Variants in ZDHHC21 observed in about 807,000 individuals in gnomAD.
The protein encoded by ZDHHC21 is palmitoyltransferase ZDHHC21.
Under a neutral mutation model 34.6 loss-of-function variants are expected in ZDHHC21, and 15 were observed. The ratio of observed to expected loss-of-function variants is 0.43; its 90% CI spans 0.29 to 0.67. ZDHHC21 has a LOEUF of 0.67. Among genes scored for constraint, ZDHHC21 ranks in the 30% least tolerant of loss-of-function variants. The pLI is 0.14. For missense variants in ZDHHC21, 344 were observed against 327.7 expected (o/e 1.05, Z -0.38); for synonymous variants, 142 against 101.8 (o/e 1.40, Z -2.38).
Position 14,613,439 on chromosome 9 carries a change from A to G in ZDHHC21, c.*5527T>C, listed in dbSNP as rs80125059. The G allele has an allele frequency of 6.6e-6, 1 of 151,932 alleles. No individual in the cohort carries two copies. The highest frequency in any genetic ancestry group is 2.4e-5 in the African/African-American group (1 of 41,524). The allele number at this position is 151,932 out of a possible 1,614,324, so 9.4% of individuals were successfully genotyped here. A position where few individuals can be genotyped will look rare whatever the true frequency, so the allele number is the denominator to read the frequency against. ...ATATCATCCAATGTATACTGGCAAGAATATATAGCTTGCAATACGCAGGTA... is the reference window on the plus strand; with the variant it reads ...ATATCATCCAATGTATACTGGCAAGGATATATAGCTTGCAATACGCAGGTA... On this transcript the variant is annotated 3_prime_UTR_variant, in exon 10 of 10. Transcript: ENST00000380916.
the ZDHHC21 span, among the ~76,000 whole-genome samples, chr9:14,599,420 C>A: frequency 2.0e-5 from 3 of 152,256 alleles, no homozygotes; most frequent in Admixed American, 6.5e-5. Context: ...CCAGCCCAGA[C>A]ATTACACTTT....
At chr9:14,643,201 T>C (rs1020367089) in intron 7 of ZDHHC21, among the ~76,000 whole-genome samples, 1 of 152,080 alleles carries the variant, frequency 6.6e-6, no homozygotes, top group Admixed American at 6.5e-5. Flanking sequence ...TGAGCCGAGA[T>C]CGTGCCACTG....
At chr9:14,692,082 T>G (rs904363890) in intron 1 of ZDHHC21, among the ~76,000 whole-genome samples, 3 of 152,220 alleles carry the variant, frequency 2.0e-5, no homozygotes, top group Non-Finnish European at 2.9e-5. Flanking sequence ...TCCAGTGGAT[T>G]TCTCACCTCA....
the ZDHHC21 span, among the ~76,000 whole-genome samples, chr9:14,602,928 C>CAAAA: frequency 1.8e-4 from 16 of 88,060 alleles, no homozygotes; most frequent in African/African-American, 7.1e-4. Flanking sequence ...GACTTCATCT[C>CAAAA]AAAAAAAAAA....
At chr9:14,642,419 C>T (rs1447396963) in intron 7 of ZDHHC21, among the ~76,000 whole-genome samples, 2 of 152,096 alleles carry the variant, frequency 1.3e-5, no homozygotes, top group Non-Finnish European at 2.9e-5. Context: ...ATTTGCTATC[C>T]GAGATCTTTA....
intron 7 of ZDHHC21, among the ~76,000 whole-genome samples, chr9:14,655,538 C>A (rs1375296663): frequency 6.6e-6 from 1 of 151,708 alleles, no homozygotes; most frequent in East Asian, 1.9e-4. Flanking sequence ...ACCTTCTACC[C>A]CAAAATATGA....
downstream of ZDHHC21, among the ~76,000 whole-genome samples, chr9:14,606,567 C>T (rs997318483): frequency 6.6e-6 from 1 of 152,134 alleles, no homozygotes; most frequent in Non-Finnish European, 1.5e-5. Flanking sequence ...CCATGGAAGA[C>T]AGAAAAGCTG....
chr9:14,691,464 G>A (rs1041255891), intron 1 of ZDHHC21, among the ~76,000 whole-genome samples: 2 of 152,032 alleles, frequency 1.3e-5, no homozygotes, highest in South Asian at 4.1e-4. Context: ...GTTCTGAATC[G>A]GTCATTACGA....
intron 7 of ZDHHC21, among the ~76,000 whole-genome samples, chr9:14,656,325 AT>A (rs1832201540): frequency 6.6e-6 from 1 of 151,954 alleles, no homozygotes; most frequent in African/African-American, 2.4e-5. Flanking sequence ...AACAGTGCTA[AT>A]AAACATTCAA....
chr9:14,596,656 T>A, the ZDHHC21 span, among the ~76,000 whole-genome samples: 7 of 152,134 alleles, frequency 4.6e-5, no homozygotes, highest in Non-Finnish European at 1.5e-5. Flanking sequence ...TTCCTTTGTC[T>A]ATTGCTTCAT....
chr9:14,632,762 G>A (rs1416817613), intron 8 of ZDHHC21, among the ~76,000 whole-genome samples: 2 of 151,728 alleles, frequency 1.3e-5, no homozygotes, highest in African/African-American at 4.8e-5. Context: ...CAGTAAAATG[G>A]CAACCCAATT....
At chr9:14,651,019 G>T (rs1176148399) in intron 7 of ZDHHC21, among the ~76,000 whole-genome samples, 2 of 151,884 alleles carry the variant, frequency 1.3e-5, no homozygotes, top group Non-Finnish European at 2.9e-5. Flanking sequence ...TAGAATTAAA[G>T]TGGTATACCA....
At chr9:14,602,429 C>A in the ZDHHC21 span, among the ~76,000 whole-genome samples, 1 of 151,784 alleles carries the variant, frequency 6.6e-6, no homozygotes, top group Non-Finnish European at 1.5e-5. Context: ...GAAATAATAG[C>A]TAAAAACTTC....
the ZDHHC21 span, among the ~76,000 whole-genome samples, chr9:14,600,048 C>A: frequency 6.6e-6 from 1 of 152,186 alleles, no homozygotes; most frequent in Non-Finnish European, 1.5e-5. Context: ...CAGCCAATAT[C>A]ATGCTGAATG....
At chr9:14,690,480 T>C (rs1342725109) in intron 1 of ZDHHC21, 95 bp from the exon 2 acceptor site, 1 of 399,336 alleles carries the variant, frequency 2.5e-6, no homozygotes, top group Non-Finnish European at 4.9e-6. Flanking sequence ...CACCAGTGAA[T>C]GGTAAAATAT....
At chr9:14,622,676 G>C in intron 8 of ZDHHC21, 1 of 985,110 alleles carries the variant, frequency 1.0e-6, no homozygotes, top group Non-Finnish European at 1.2e-6. Flanking sequence ...ATGTGCTGAA[G>C]AGTCCTTTGG....
intron 8 of ZDHHC21, among the ~76,000 whole-genome samples, chr9:14,626,590 C>G (rs967594470): frequency 3.3e-5 from 5 of 151,974 alleles, no homozygotes; most frequent in African/African-American, 1.2e-4. Context: ...TAGGAACATG[C>G]ATATGCTAAA....
intron 7 of ZDHHC21, among the ~76,000 whole-genome samples, chr9:14,658,511 C>T (rs1204016678): frequency 9.2e-6 from 1 of 108,122 alleles, no homozygotes; most frequent in Non-Finnish European, 1.7e-5. Flanking sequence ...CTCGCTGTCG[C>T]CCAGGTTGGA....
intron 7 of ZDHHC21, among the ~76,000 whole-genome samples, chr9:14,640,424 T>C (rs1166106331): frequency 1.3e-5 from 2 of 152,070 alleles, no homozygotes; most frequent in South Asian, 2.1e-4. Flanking sequence ...GCTAAAAAGT[T>C]TGAATACACA....
Sources: gnomAD v4.1 joint callset for allele counts (sites outside exome capture counted in the v4.1 genomes callset) on GRCh38, gnomAD v4.1.1 for gene constraint, MANE v1.5 for transcripts, NCBI Gene and HGNC (gene_info 2026-07-23, HGNC 2026-07-21) for gene names.